The following NPY2R variants were observed in gnomAD, a reference collection of about 807,000 sequenced individuals.
NPY2R encodes neuropeptide Y receptor Y2.
In NPY2R, 17 loss-of-function variants were observed where a neutral mutation model predicts 22.3. That is an observed-to-expected ratio of 0.76 (90% CI 0.52 to 1.14). The LOEUF (loss-of-function observed/expected upper bound fraction) is 1.14, where lower values mean the gene tolerates loss of function less well. Ranked by LOEUF, NPY2R falls within the 50% of genes most tolerant of loss-of-function variation. NPY2R has a pLI of 0.00. For missense variants in NPY2R, 424 were observed against 467.9 expected, an observed-to-expected ratio of 0.91 and a Z score of 0.87; for synonymous variants, 209 against 183.4, an observed-to-expected ratio of 1.14 and a Z score of -1.13.
chr4:155,174,527 T>C, the NPY2R span, among the ~76,000 whole-genome samples: 3 of 147,028 alleles, frequency 2.0e-5, no homozygotes, highest in African/African-American at 7.7e-5. Flanking sequence ...TTTTAAGTAT[T>C]TGGATCAGGA....
the NPY2R span, among the ~76,000 whole-genome samples, chr4:155,202,807 C>A: frequency 6.6e-6 from 1 of 151,958 alleles, no homozygotes; most frequent in Non-Finnish European, 1.5e-5. Context: ...AAATATATAT[C>A]AAATTATGTC....
the NPY2R span, among the ~76,000 whole-genome samples, chr4:155,199,419 T>C: frequency 9.9e-5 from 15 of 152,056 alleles, no homozygotes; most frequent in Non-Finnish European, 2.1e-4. Context: ...AGAATCAATA[T>C]TGTTAAAATG....
the NPY2R span, among the ~76,000 whole-genome samples, chr4:155,201,893 T>C: frequency 2.0e-5 from 3 of 152,170 alleles, no homozygotes; most frequent in African/African-American, 4.8e-5. Context: ...ACATCAGTCT[T>C]ATCCAGGATT....
chr4:155,175,058 G>C, the NPY2R span, among the ~76,000 whole-genome samples: 1 of 152,068 alleles, frequency 6.6e-6, no homozygotes, highest in Non-Finnish European at 1.5e-5. Context: ...TGAAGCCTTA[G>C]GACCCACCTT....
the NPY2R span, among the ~76,000 whole-genome samples, chr4:155,176,292 CT>C: frequency 6.6e-6 from 1 of 151,898 alleles, no homozygotes; most frequent in East Asian, 1.9e-4. Flanking sequence ...GCAGCAGGAC[CT>C]AGTGAAGCTC....
rs953617560 is a variant in NPY2R, at chr4:155,216,902, T to G, written c.*1817T>G. On this transcript the variant is annotated 3_prime_UTR_variant, in exon 2 of 2. Transcript: ENST00000329476. ...AGATTTACCCTCCCTCTTGGTGAAT[T>G]ATTACACTGTAAGAAATGTATATGC... is the stretch of plus-strand genomic sequence containing the variant. The G allele has an allele frequency of 6.0e-6, 1 of 167,094 alleles. No individual in the cohort carries two copies. Among genetic ancestry groups the G allele is most frequent in the Non-Finnish European group, 1.5e-5 (1 of 68,114 alleles). 10.4% of individuals were successfully genotyped at this position (167,094 alleles called of 1,614,324 possible). A position where few individuals can be genotyped will look rare whatever the true frequency, so the allele number is the denominator to read the frequency against.
At chr4:155,193,192 A>G in the NPY2R span, among the ~76,000 whole-genome samples, 1 of 151,904 alleles carries the variant, frequency 6.6e-6, no homozygotes, top group Non-Finnish European at 1.5e-5. Context: ...GACTATATAT[A>G]TATACGGTCC....
chr4:155,204,101 C>T (rs946085133), upstream of NPY2R, among the ~76,000 whole-genome samples: 9 of 152,000 alleles, frequency 5.9e-5, no homozygotes, highest in South Asian at 2.1e-4. Context: ...CACATTCCAG[C>T]GGAACTGCAC....
chr4:155,187,732 T>C, the NPY2R span, among the ~76,000 whole-genome samples: 1 of 152,148 alleles, frequency 6.6e-6, no homozygotes, highest in African/African-American at 2.4e-5. Context: ...TTCATCTTAT[T>C]GATGAAAGAG....
At chr4:155,211,275 C>T (rs1445491970) in intron 1 of NPY2R, among the ~76,000 whole-genome samples, 3 of 151,990 alleles carry the variant, frequency 2.0e-5, no homozygotes, top group South Asian at 2.1e-4. Flanking sequence ...GGTGGGTAAA[C>T]GAAGGAAAAC....
At chr4:155,196,482 G>T in the NPY2R span, among the ~76,000 whole-genome samples, 1 of 151,940 alleles carries the variant, frequency 6.6e-6, no homozygotes, top group Non-Finnish European at 1.5e-5. Context: ...TGAGATTACA[G>T]ATTGAAGCCA....
the NPY2R span, among the ~76,000 whole-genome samples, chr4:155,190,073 C>T: frequency 1.3e-5 from 2 of 151,994 alleles, no homozygotes; most frequent in Non-Finnish European, 2.9e-5. Flanking sequence ...GAAAATGCAG[C>T]TCAGGCCCAC....
chr4:155,198,365 A>T, the NPY2R span, among the ~76,000 whole-genome samples: 1 of 150,682 alleles, frequency 6.6e-6, no homozygotes, highest in Non-Finnish European at 1.5e-5. Flanking sequence ...TTTTCAGTGG[A>T]GTCAAACCAA....
At chr4:155,211,674 A>G (rs1215440564) in intron 1 of NPY2R, among the ~76,000 whole-genome samples, 1 of 152,198 alleles carries the variant, frequency 6.6e-6, no homozygotes, top group Non-Finnish European at 1.5e-5. Context: ...AAAAGGAGTA[A>G]TTTAATTCAG....
chr4:155,173,896 T>C, the NPY2R span: 1 of 152,088 alleles, frequency 6.6e-6, no homozygotes, highest in Non-Finnish European at 1.5e-5. Flanking sequence ...ATTTTATTTC[T>C]CCTGCAGTCT....
At chr4:155,176,390 G>A in the NPY2R span, among the ~76,000 whole-genome samples, 5 of 152,086 alleles carry the variant, frequency 3.3e-5, no homozygotes, top group Non-Finnish European at 7.4e-5. Context: ...TTCTCGGGCG[G>A]GGTCTTTCCA....
At chr4:155,174,235 C>T in the NPY2R span, 1 of 151,722 alleles carries the variant, frequency 6.6e-6, no homozygotes, top group Admixed American at 6.6e-5. Context: ...AACCAAGTTT[C>T]CCTTAAATAA....
intron 1 of NPY2R, among the ~76,000 whole-genome samples, chr4:155,213,613 T>C (rs1226843078): frequency 6.6e-6 from 1 of 152,244 alleles, no homozygotes; most frequent in East Asian, 1.9e-4. Context: ...AGCATTCACT[T>C]TGAAATTATG....
chr4:155,211,618 A>T (rs894978579), intron 1 of NPY2R, among the ~76,000 whole-genome samples: 1 of 152,194 alleles, frequency 6.6e-6, no homozygotes, highest in Non-Finnish European at 1.5e-5. Context: ...GCATACATGT[A>T]TGTTATTATC....
Sources: allele counts gnomAD v4.1 joint callset (sites outside exome capture counted in the v4.1 genomes callset), GRCh38; gene constraint gnomAD v4.1.1; transcripts MANE v1.5; gene names NCBI Gene and HGNC (gene_info 2026-07-23, HGNC 2026-07-21).